RARA: variants seen among roughly 807,000 people sequenced by gnomAD.
The protein encoded by RARA is retinoic acid receptor alpha, also known as PML-DDX5-RARA fusion.
RARA carries 5 observed loss-of-function variants against 42.8 expected under a neutral mutation model. The observed-to-expected ratio is 0.12, with a 90% CI of 0.06 to 0.25. The LOEUF (loss-of-function observed/expected upper bound fraction) is 0.25. RARA is among the 10% of genes least tolerant of loss of function. RARA has a pLI of 1.00. For missense variants in RARA, 402 were observed against 628.7 expected (o/e 0.64, Z 3.86); for synonymous variants, 256 against 259.5 (o/e 0.99, Z 0.13).
chr17:40,315,169 T>TACACACAC (rs1416920772), intron 1 of RARA, among the ~76,000 whole-genome samples: 41 of 107,374 alleles, frequency 3.8e-4, no homozygotes, highest in African/African-American at 1.7e-3. Flanking sequence ...TATATATATA[T>TACACACAC]ATACACACAC....
rs1169851225 is a variant in RARA at position 40,341,685 on chromosome 17, G to T, written c.179-6631G>T. On this transcript the variant is annotated intron_variant, in intron 2 of 8. Coordinates refer to ENST00000254066, the MANE Select transcript of RARA (RefSeq NM_000964.4). Reference sequence around the variant, plus strand: ...CGAGAGTTCAGCCGCATTGCATTAGGCAAATGAGGCCCGGCCTGGGTGGGG... The same window carrying T: ...CGAGAGTTCAGCCGCATTGCATTAGTCAAATGAGGCCCGGCCTGGGTGGGG... 3.7e-6 allele frequency: 5 copies of T among 1,333,940 alleles called. No individual in the cohort carries two copies. The East Asian group carries it at 1.6e-4, about 41-fold the overall frequency. 82.6% of individuals were successfully genotyped at this position (1,333,940 alleles called of 1,614,324 possible). A position where few individuals can be genotyped will look rare whatever the true frequency, so the allele number is the denominator to read the frequency against.
chr17:40,324,235 T>C (rs1314937771), intron 1 of RARA, among the ~76,000 whole-genome samples: 6 of 152,164 alleles, frequency 3.9e-5, no homozygotes, highest in Non-Finnish European at 8.8e-5. Flanking sequence ...TGCCTGCGTA[T>C]GGTCCACACA....
intron 2 of RARA, chr17:40,342,953 G>T: frequency 1.3e-6 from 2 of 1,518,418 alleles, no homozygotes; most frequent in South Asian, 1.3e-5. Flanking sequence ...GAGAGTCCCG[G>T]GGTGTAGTGG....
At position 40,352,141 on chromosome 17, in the gene RARA, G is replaced by A. The variant is rs1472599096; in HGVS notation, c.630+71G>A. On this transcript the variant is annotated intron_variant, in intron 5 of 8. Coordinates refer to ENST00000254066, the MANE Select transcript of RARA (RefSeq NM_000964.4). This position sits in a 1 kb window ranked among gnomAD's most constrained non-coding sequence, Gnocchi z 4.9. ...CAGGGCCAGGATGGGCCCCTCTCAGGCACCCCTTCTTGTGCCAGGCAAGAT... is the reference window on the plus strand; with the variant it reads ...CAGGGCCAGGATGGGCCCCTCTCAGACACCCCTTCTTGTGCCAGGCAAGAT... 3 of 1,472,604 alleles carry A rather than the reference G, an allele frequency of 2.0e-6. No homozygotes were observed. The highest frequency in any genetic ancestry group is 2.7e-6 in the Non-Finnish European group (3 of 1,115,432). The allele number at this position is 1,472,604 out of a possible 1,614,324, so 91.2% of individuals were successfully genotyped here. A position where few individuals can be genotyped will look rare whatever the true frequency, so the allele number is the denominator to read the frequency against.
Position 40,355,582 on chromosome 17 carries a change from C to T in RARA, c.1171+161C>T, listed in dbSNP as rs2034594219. On this transcript the variant is annotated intron_variant, in intron 8 of 8. Transcript: ENST00000254066. This position sits in a 1 kb window ranked among gnomAD's most constrained non-coding sequence, Gnocchi z 4.1. Reference sequence around the variant, plus strand: ...AGTGACTCCACTTTGCCGAGGTGGCCCGCCTGTGTCACCTTTGTGTGGTAG... The same window carrying T: ...AGTGACTCCACTTTGCCGAGGTGGCTCGCCTGTGTCACCTTTGTGTGGTAG... Among the ~76,000 whole-genome samples, 1 of 152,200 alleles carries T rather than the reference C, an allele frequency of 6.6e-6. No individual in the cohort carries two copies. Among genetic ancestry groups the T allele is most frequent in the Admixed American group, 6.5e-5 (1 of 15,290 alleles).
intron 1 of RARA, among the ~76,000 whole-genome samples, chr17:40,315,131 TGTATATATA>T (rs2033174470): frequency 1.6e-5 from 1 of 62,646 alleles, no homozygotes; most frequent in African/African-American, 7.6e-5. Flanking sequence ...TGCTTATATG[TGTATATATA>T]TATATATATA....
rs117382138 is a variant in RARA, at chr17:40,313,578, C to T, written c.-363+4292C>T. ...TCAAGGCCCTGCCTGTGTAGCCACACGTGGTGCATCTGTCTCCCACCTTCT... is the reference window on the plus strand; with the variant it reads ...TCAAGGCCCTGCCTGTGTAGCCACATGTGGTGCATCTGTCTCCCACCTTCT... On this transcript the variant is annotated intron_variant, in intron 1 of 8. Coordinates refer to ENST00000254066, the MANE Select transcript of RARA (RefSeq NM_000964.4). 3.5e-4 allele frequency among the ~76,000 whole-genome samples: 54 copies of T among 152,276 alleles called. No homozygotes were observed. In the East Asian group the frequency reaches 8.1e-3, roughly 23 times the overall value.
chr17:40,321,023 C>T (rs930590239), intron 1 of RARA, among the ~76,000 whole-genome samples: 17 of 152,120 alleles, frequency 1.1e-4, no homozygotes, highest in African/African-American at 2.2e-4. Context: ...TTCTCTCTGA[C>T]GCCTGCTGTC....
At chr17:40,337,335 T>C (rs1363892858) in intron 2 of RARA, among the ~76,000 whole-genome samples, 1 of 152,198 alleles carries the variant, frequency 6.6e-6, no homozygotes, top group African/African-American at 2.4e-5. Flanking sequence ...AGAGGCCCTT[T>C]CTCTGCCTTA....
chr17:40,313,504 G>C (rs1235665912), intron 1 of RARA, among the ~76,000 whole-genome samples: 7 of 152,140 alleles, frequency 4.6e-5, no homozygotes. Context: ...ACAGCTGCAG[G>C]GGGAACCATT....
In RARA at chr17:40,330,939, C is replaced by T; in HGVS notation, c.-280C>T. ...TTTTTTGGTGCCCTGAAGGCCAGCT[C>T]TGGACCTTCCCAGGAAAAGTGCCAG... On this transcript the variant is annotated 5_prime_UTR_variant, in exon 2 of 9. Coordinates refer to ENST00000254066, the MANE Select transcript of RARA (RefSeq NM_000964.4). The T allele has an allele frequency of 2.4e-6, 1 of 423,510 alleles. No individual in the cohort carries two copies. The highest frequency in any genetic ancestry group is 4.2e-6 in the Non-Finnish European group (1 of 237,618). The allele number at this position is 423,510 out of a possible 1,614,324, so 26.2% of individuals were successfully genotyped here. A position where few individuals can be genotyped will look rare whatever the true frequency, so the allele number is the denominator to read the frequency against.
chr17:40,349,568 C>A, intron 3 of RARA: 1 of 558,512 alleles, frequency 1.8e-6, no homozygotes, highest in Non-Finnish European at 3.1e-6. Context: ...GACTCCTGCC[C>A]ATCCTGCAGT....
At chr17:40,353,596 A>T (rs1040174459) in intron 6 of RARA, among the ~76,000 whole-genome samples, 2 of 152,132 alleles carry the variant, frequency 1.3e-5, no homozygotes, top group South Asian at 2.1e-4. Flanking sequence ...AGCTGGGATT[A>T]CAGGCACCCG....
chr17:40,336,093 T>C (rs1043271730), intron 2 of RARA, among the ~76,000 whole-genome samples: 1 of 152,216 alleles, frequency 6.6e-6, no homozygotes, highest in Non-Finnish European at 1.5e-5. Context: ...TTGTTTGTTT[T>C]GAGACGGAGT....
At chr17:40,353,754 C>T (rs754849690) in intron 6 of RARA, among the ~76,000 whole-genome samples, 29 of 152,194 alleles carry the variant, frequency 1.9e-4, no homozygotes, top group Non-Finnish European at 3.7e-4. Context: ...AATGTTGAGG[C>T]GGGTGATGGG....
At position 40,354,029 on chromosome 17, in the gene RARA, CTTTAAA is replaced by C. The variant is rs548303459; in HGVS notation, c.808-264_808-259del. 7.0e-4 allele frequency among the ~76,000 whole-genome samples: 106 copies of C among 152,308 alleles called. No individual in the cohort carries two copies. The highest frequency in any genetic ancestry group is 2.3e-3 in the African/African-American group (97 of 41,552). ...CAGTAGCTGCTCACCACATGTGACT[CTTTAAA>C]TTTAAATTAATTAAAATTAAACTCA... On this transcript the variant is annotated intron_variant, in intron 6 of 8. Coordinates refer to ENST00000254066, the MANE Select transcript of RARA (RefSeq NM_000964.4). The surrounding 1 kb of genome is among the most constrained non-coding windows in gnomAD (Gnocchi z 4.5).
intron 1 of RARA, among the ~76,000 whole-genome samples, chr17:40,315,128 A>G (rs2732784): frequency 0.011 from 877 of 78,140 alleles, 9 homozygotes; most frequent in Non-Finnish European, 0.016. Flanking sequence ...ATATGCTTAT[A>G]TGTGTATATA....
chr17:40,350,096 T>C (rs2034394233), intron 4 of RARA, 171 bp downstream of exon 4: 3 of 1,053,190 alleles, frequency 2.8e-6, no homozygotes. Flanking sequence ...AGGACCTGTT[T>C]GCGAGTCTGG....
chr17:40,336,038 A>G (rs2033838797), intron 2 of RARA, among the ~76,000 whole-genome samples: 1 of 152,232 alleles, frequency 6.6e-6, no homozygotes, highest in African/African-American at 2.4e-5. Context: ...TTTATGTCAC[A>G]TACAACTTGC....
Sources: gnomAD v4.1 joint callset for allele counts (sites outside exome capture counted in the v4.1 genomes callset) on GRCh38, gnomAD v4.1.1 for gene constraint, Gnocchi (gnomAD v3.1) non-coding constraint, MANE v1.5 for transcripts, NCBI Gene and HGNC (gene_info 2026-07-23, HGNC 2026-07-21) for gene names.